MTCL3: variants seen among roughly 807,000 people sequenced by gnomAD.
MTCL3 encodes MTCL family member 3, also known as microtubule cross-linking factor 3.
the MTCL3 span, chr6:127,515,712 C>A: frequency 6.3e-7 from 1 of 1,583,382 alleles, no homozygotes; most frequent in Non-Finnish European, 8.5e-7. This position sits in a 1 kb window ranked among gnomAD's most constrained non-coding sequence, Gnocchi z 4.3. Context: ...CGGCCAGGGT[C>A]TCGCAAACGG....
the MTCL3 span, among the ~76,000 whole-genome samples, chr6:127,474,058 C>T: frequency 6.6e-6 from 1 of 152,018 alleles, no homozygotes; most frequent in Non-Finnish European, 1.5e-5. Context: ...TGCCTTCAAG[C>T]TACCGTATAG....
chr6:127,514,693 A>G, the MTCL3 span: 2 of 695,256 alleles, frequency 2.9e-6, no homozygotes, highest in African/African-American at 3.6e-5. Context: ...TTTTGTGGTT[A>G]GCGCTACGAA....
the MTCL3 span, chr6:127,515,748 G>A: frequency 6.3e-7 from 1 of 1,599,192 alleles, no homozygotes; most frequent in Non-Finnish European, 8.5e-7. This position sits in a 1 kb window ranked among gnomAD's most constrained non-coding sequence, Gnocchi z 4.3. Flanking sequence ...CCGGGGAGCT[G>A]CGGCTACTGC....
chr6:127,510,477 G>A, the MTCL3 span, among the ~76,000 whole-genome samples: 3 of 152,252 alleles, frequency 2.0e-5, no homozygotes, highest in South Asian at 6.2e-4. Context: ...AGATGGGAGA[G>A]GTCCCATTGT....
At chr6:127,475,056 C>G in the MTCL3 span, among the ~76,000 whole-genome samples, 6 of 152,326 alleles carry the variant, frequency 3.9e-5, no homozygotes, top group Admixed American at 2.6e-4. The surrounding 1 kb of genome is among the most constrained non-coding windows in gnomAD (Gnocchi z 7.3). Flanking sequence ...TCCTTTTAAA[C>G]AAAACAGAGG....
chr6:127,505,735 T>C, the MTCL3 span, among the ~76,000 whole-genome samples: 1 of 152,166 alleles, frequency 6.6e-6, no homozygotes, highest in African/African-American at 2.4e-5. Context: ...AATGTGTATC[T>C]GGAAAAAAAC....
the MTCL3 span, chr6:127,475,973 C>A: frequency 7.4e-6 from 12 of 1,611,194 alleles, no homozygotes; most frequent in East Asian, 6.7e-5. This position sits in a 1 kb window ranked among gnomAD's most constrained non-coding sequence, Gnocchi z 7.3. Flanking sequence ...TCGTGGCCGC[C>A]GGACTTGTAC....
chr6:127,473,529 A>G, the MTCL3 span: 1 of 566,108 alleles, frequency 1.8e-6, no homozygotes, highest in Non-Finnish European at 2.9e-6. Flanking sequence ...TATCTATAAA[A>G]TCTGAAAGCC....
the MTCL3 span, among the ~76,000 whole-genome samples, chr6:127,485,514 A>G: frequency 3.3e-5 from 5 of 152,294 alleles, no homozygotes; most frequent in Admixed American, 3.3e-4. Context: ...TGTCATAATT[A>G]GACTGTCATA....
chr6:127,475,817 C>T, the MTCL3 span: 1 of 1,612,998 alleles, frequency 6.2e-7, no homozygotes, highest in Non-Finnish European at 8.5e-7. The surrounding 1 kb of genome is among the most constrained non-coding windows in gnomAD (Gnocchi z 7.3). Flanking sequence ...GAGGCCAGGT[C>T]GTAGCGCTGC....
the MTCL3 span, chr6:127,475,539 G>A: frequency 2.5e-6 from 4 of 1,612,328 alleles, no homozygotes; most frequent in Non-Finnish European, 3.4e-6. This position sits in a 1 kb window ranked among gnomAD's most constrained non-coding sequence, Gnocchi z 7.3. Context: ...TGAGCCGGTC[G>A]ATGGTCTTGC....
chr6:127,499,726 A>G, the MTCL3 span, among the ~76,000 whole-genome samples: 1 of 152,144 alleles, frequency 6.6e-6, no homozygotes, highest in Non-Finnish European at 1.5e-5. Context: ...TCTGTGCTCC[A>G]GGAGGCTGAC....
At chr6:127,476,034 G>A in the MTCL3 span, 441,357 of 1,611,188 alleles carry the variant, frequency 0.27, 68,632 homozygotes, top group East Asian at 0.72. This position sits in a 1 kb window ranked among gnomAD's most constrained non-coding sequence, Gnocchi z 4.4. Context: ...CCTCCAGGTC[G>A]GCCACGTTCC....
At chr6:127,510,486 G>A in the MTCL3 span, among the ~76,000 whole-genome samples, 31 of 152,126 alleles carry the variant, frequency 2.0e-4, no homozygotes, top group Admixed American at 1.1e-3. Context: ...AGGTCCCATT[G>A]TTCTGGCTAA....
At chr6:127,510,031 A>G in the MTCL3 span, among the ~76,000 whole-genome samples, 17 of 152,212 alleles carry the variant, frequency 1.1e-4, no homozygotes, top group South Asian at 3.5e-3. Flanking sequence ...TATATTTAGT[A>G]TCCTCCAGAT....
the MTCL3 span, among the ~76,000 whole-genome samples, chr6:127,502,284 T>C: frequency 6.6e-6 from 1 of 152,346 alleles, no homozygotes; most frequent in South Asian, 2.1e-4. Context: ...ACTCTGTTTC[T>C]TTTTAGGAAG....
chr6:127,488,136 G>A, the MTCL3 span, among the ~76,000 whole-genome samples: 1 of 152,028 alleles, frequency 6.6e-6, no homozygotes, highest in African/African-American at 2.4e-5. Context: ...AACATACCAA[G>A]TATGCCCTTG....
the MTCL3 span, among the ~76,000 whole-genome samples, chr6:127,486,982 G>A: frequency 2.0e-5 from 3 of 152,126 alleles, no homozygotes; most frequent in African/African-American, 7.2e-5. Context: ...CATTTGTGTG[G>A]TAATTAAATC....
chr6:127,475,532 G>A, the MTCL3 span: 1 of 1,612,666 alleles, frequency 6.2e-7, no homozygotes, highest in Non-Finnish European at 8.5e-7. This position sits in a 1 kb window ranked among gnomAD's most constrained non-coding sequence, Gnocchi z 7.3. Flanking sequence ...TCGGCGATGA[G>A]CCGGTCGATG....
Sources: gnomAD v4.1 joint callset for allele counts (sites outside exome capture counted in the v4.1 genomes callset) on GRCh38, gnomAD v4.1.1 for gene constraint, Gnocchi (gnomAD v3.1) non-coding constraint, MANE v1.5 for transcripts, NCBI Gene and HGNC (gene_info 2026-07-23, HGNC 2026-07-21) for gene names.